Variants in DNMT3A observed in about 807,000 individuals in gnomAD.
The protein encoded by DNMT3A is DNA (cytosine-5)-methyltransferase 3A.
In DNMT3A, 267 loss-of-function variants were observed where a neutral mutation model predicts 117.6. The ratio of observed to expected loss-of-function variants is 2.27; its 90% CI spans 2.05 to 2.51. The LOEUF (loss-of-function observed/expected upper bound fraction) is 2.51. DNMT3A is among the 30% of genes most tolerant of loss of function. The pLI is 0.00. For missense variants in DNMT3A, 1,029 were observed against 1,260.2 expected, an observed-to-expected ratio of 0.82 and a Z score of 2.78; for synonymous variants, 432 against 474.8, an observed-to-expected ratio of 0.91 and a Z score of 1.17.
At chr2:25,264,691 T>TG (rs1371975575) in intron 6 of DNMT3A, among the ~76,000 whole-genome samples, 1 of 151,130 alleles carries the variant, frequency 6.6e-6, no homozygotes, top group African/African-American at 2.4e-5. Context: ...CTCGATCTGC[T>TG]GACCTCATGA....
Position 25,241,700 on chromosome 2 carries a change from C to CAGGA in DNMT3A, c.1940_1943dup (p.Val649ProfsTer20). Reference sequence around the variant, plus strand: ...CCTGAATGCCCAAGTCCTTCAGCACCAGGAGCCCTGCACCAGCCAGCAGAC... The same window carrying CAGGA: ...CCTGAATGCCCAAGTCCTTCAGCACCAGGAAGGAGCCCTGCACCAGCCAGCAGAC... On this transcript the variant is annotated frameshift_variant, in exon 17 of 23. Coordinates refer to ENST00000321117, the MANE Select transcript of DNMT3A (RefSeq NM_022552.5). LOFTEE classifies it high-confidence loss of function. The CAGGA allele has an allele frequency of 6.2e-7, 1 of 1,613,850 alleles. No individual in the cohort carries two copies. Among genetic ancestry groups the CAGGA allele is most frequent in the Non-Finnish European group, 8.5e-7 (1 of 1,179,884 alleles).
chr2:25,340,273 G>A lies in DNMT3A; in HGVS notation c.-178+1553C>T, dbSNP rs557201021. On this transcript the variant is annotated intron_variant, in intron 1 of 22. Coordinates refer to ENST00000321117, the MANE Select transcript of DNMT3A (RefSeq NM_022552.5). ...TGGGAACCAGAGGGCACTGCTCCCC[G>A]CCCAGGGCGCCAACACCTCCTCAAC... 4.6e-5 allele frequency among the ~76,000 whole-genome samples: 7 copies of A among 152,304 alleles called. No individual in the cohort carries two copies. The South Asian group carries it at 1.4e-3, about 32-fold the overall frequency.
Position 25,282,630 on chromosome 2 carries a change from G to C in DNMT3A, c.259C>G (p.Leu87Val). The C allele has an allele frequency of 6.2e-7, 1 of 1,613,300 alleles. No homozygotes were observed. Among genetic ancestry groups the C allele is most frequent in the Non-Finnish European group, 8.5e-7 (1 of 1,179,712 alleles). The change falls in exon 4 of 23, where the codon CTA (leucine) becomes GTA (valine). Residue 87 changes from leucine (L) to valine (V), a missense_variant. Coordinates refer to ENST00000321117, the MANE Select transcript of DNMT3A (RefSeq NM_022552.5). This position sits in a 1 kb window ranked among gnomAD's most constrained non-coding sequence, Gnocchi z 5.2. ...SMAQDSGASE[L>V]LPNGDLEKRS... ...TTCTCCAAGTCCCCATTGGGTAATAGCTCTGAGGCGCCTGAGTCCTGGGCC... is the reference window on the plus strand; with the variant it reads ...TTCTCCAAGTCCCCATTGGGTAATACCTCTGAGGCGCCTGAGTCCTGGGCC...
chr2:25,244,626 C>T lies in DNMT3A; in HGVS notation c.1581G>A (p.Gln527=), dbSNP rs769794920. ...CKNCFLECAY[Q]YDDDGYQSYC... is the part of the protein sequence containing the mutation. ...AGGACTGGTAGCCGTCGTCGTCGTA[C>T]TGGTACGCACACTCCAGAAAGCAGT... The change falls in exon 14 of 23, where the codon CAG becomes CAA. Residue 527 remains glutamine (Q), a synonymous_variant. Coordinates refer to ENST00000321117, the MANE Select transcript of DNMT3A (RefSeq NM_022552.5). 1.2e-6 allele frequency: 2 copies of T among 1,614,058 alleles called. No individual in the cohort carries two copies. Among genetic ancestry groups the T allele is most frequent in the Non-Finnish European group, 1.7e-6 (2 of 1,180,036 alleles).
chr2:25,313,586 G>A (rs922441015), intron 2 of DNMT3A, among the ~76,000 whole-genome samples: 4 of 152,182 alleles, frequency 2.6e-5, no homozygotes, highest in African/African-American at 9.7e-5. Flanking sequence ...AGTAAGAGGC[G>A]GGTCCGAGAA....
chr2:25,248,262 C>T lies in DNMT3A; in HGVS notation c.640-10G>A. On this transcript the variant is annotated splice_polypyrimidine_tract_variant and intron_variant, in intron 6 of 22. Coordinates refer to ENST00000321117, the MANE Select transcript of DNMT3A (RefSeq NM_022552.5). ...TGGCTTTCTTCTCAGCCTGGGGAAACAAAAAACAAAAAGTCACCTTGACCT... is the reference window on the plus strand; with the variant it reads ...TGGCTTTCTTCTCAGCCTGGGGAAATAAAAAACAAAAAGTCACCTTGACCT... 6.2e-7 allele frequency: 1 copy of T among 1,607,358 alleles called. No homozygotes were observed. The highest frequency in any genetic ancestry group is 8.5e-7 in the Non-Finnish European group (1 of 1,178,162).
Position 25,247,338 on chromosome 2 carries a change from C to A in DNMT3A, c.1015-180G>T. 1.3e-6 allele frequency: 1 copy of A among 773,228 alleles called. No homozygotes were observed. Among genetic ancestry groups the A allele is most frequent in the South Asian group, 1.8e-5 (1 of 54,598 alleles). 47.9% of individuals were successfully genotyped at this position (773,228 alleles called of 1,614,324 possible). On this transcript the variant is annotated intron_variant, in intron 8 of 22. Transcript: ENST00000321117. This position sits in a 1 kb window ranked among gnomAD's most constrained non-coding sequence, Gnocchi z 5.6. Reference sequence around the variant, plus strand: ...AGTCCAGACCAAGAGTAGGGAAGTACCTGAGTGCAGGTGGAAAGGAATTCT... The same window carrying A: ...AGTCCAGACCAAGAGTAGGGAAGTAACTGAGTGCAGGTGGAAAGGAATTCT...
intron 6 of DNMT3A, among the ~76,000 whole-genome samples, chr2:25,253,602 C>A (rs927110888): frequency 5.9e-5 from 9 of 152,144 alleles, no homozygotes; most frequent in African/African-American, 2.2e-4. Flanking sequence ...TCAGGTGCGT[C>A]CTTGGGTATA....
chr2:25,240,825 C>T, intron 17 of DNMT3A, 95 bp from the exon 18 acceptor site: 1 of 1,285,310 alleles, frequency 7.8e-7, no homozygotes, highest in Non-Finnish European at 1.1e-6. Context: ...CAAAGAAGTC[C>T]TTTGACACGA....
At chr2:25,314,394 G>A (rs867073590) in intron 1 of DNMT3A, 8 of 985,120 alleles carry the variant, frequency 8.1e-6, no homozygotes, top group South Asian at 9.4e-5. Context: ...GTGTCGCTGC[G>A]GCCAATGGGT....
chr2:25,239,530 G>A (rs776509089), intron 19 of DNMT3A: 14 of 564,404 alleles, frequency 2.5e-5, no homozygotes, highest in South Asian at 2.1e-4. Context: ...TGAGGCCAAT[G>A]TGATTGAGGA....
rs764189041 is a variant in DNMT3A at position 25,247,036 on chromosome 2, A to T, written c.1122+15T>A. 95 of 1,611,998 alleles carry T rather than the reference A, an allele frequency of 5.9e-5. No individual in the cohort carries two copies. The highest frequency in any genetic ancestry group is 8.0e-5 in the Non-Finnish European group (94 of 1,178,940). On this transcript the variant is annotated intron_variant, in intron 9 of 22. Transcript: ENST00000321117. This position sits in a 1 kb window ranked among gnomAD's most constrained non-coding sequence, Gnocchi z 5.6. ...CTCTAGGCTCCTCCTCCGAGCTCCC[A>T]GCAGGGACACTCACCTGCAGGACCT...
chr2:25,295,510 A>G (rs1483052389), intron 3 of DNMT3A, among the ~76,000 whole-genome samples: 1 of 152,226 alleles, frequency 6.6e-6, no homozygotes, highest in Non-Finnish European at 1.5e-5. Context: ...TATTTGTGTC[A>G]ATAACTCTCT....
intron 6 of DNMT3A, among the ~76,000 whole-genome samples, chr2:25,253,040 G>A (rs1675783236): frequency 6.6e-6 from 1 of 152,194 alleles, no homozygotes; most frequent in African/African-American, 2.4e-5. Flanking sequence ...CTGTTTGCAA[G>A]GTTGGTCGCG....
chr2:25,264,472 TTG>T (rs2030074424), intron 6 of DNMT3A, among the ~76,000 whole-genome samples: 1 of 147,186 alleles, frequency 6.8e-6, no homozygotes, highest in African/African-American at 2.5e-5. Context: ...GTTTTTTGTT[TTG>T]TTTTTTTTTG....
intron 3 of DNMT3A, among the ~76,000 whole-genome samples, chr2:25,283,414 C>T (rs953216698): frequency 1.3e-5 from 2 of 151,698 alleles, no homozygotes; most frequent in Non-Finnish European, 2.9e-5. Context: ...CCAATAAGAC[C>T]CCCCTCTCCC....
intron 1 of DNMT3A, among the ~76,000 whole-genome samples, chr2:25,319,861 G>A (rs962695524): frequency 4.6e-5 from 7 of 151,234 alleles, no homozygotes; most frequent in African/African-American, 1.7e-4. Context: ...CCTCTGCCTT[G>A]TGGGTTCAAG....
chr2:25,322,821 G>T (rs565607880), intron 1 of DNMT3A, among the ~76,000 whole-genome samples: 1 of 151,776 alleles, frequency 6.6e-6, no homozygotes, highest in Non-Finnish European at 1.5e-5. Context: ...AAACTGTCAC[G>T]GCCCACAAAC....
At position 25,275,424 on chromosome 2, in the gene DNMT3A, C is replaced by T. The variant is rs1335956795; in HGVS notation, c.492+76G>A. On this transcript the variant is annotated intron_variant, in intron 5 of 22. Coordinates refer to ENST00000321117, the MANE Select transcript of DNMT3A (RefSeq NM_022552.5). ...AAGGAGGAGGGGCCCACCCTCCGCC[C>T]CCTCACACACACTCGCCACCCGTGT... The T allele has an allele frequency of 2.6e-6, 4 of 1,516,780 alleles. No individual in the cohort carries two copies. The African/African-American group carries it at 4.3e-5, about 16-fold the overall frequency. The allele number at this position is 1,516,780 out of a possible 1,614,324, so 94.0% of individuals were successfully genotyped here. A position where few individuals can be genotyped will look rare whatever the true frequency, so the allele number is the denominator to read the frequency against.
Sources: allele counts gnomAD v4.1 joint callset (sites outside exome capture counted in the v4.1 genomes callset), GRCh38; gene constraint gnomAD v4.1.1; non-coding constraint Gnocchi (gnomAD v3.1); transcripts MANE v1.5; gene names NCBI Gene and HGNC (gene_info 2026-07-23, HGNC 2026-07-21).